CERKL: variants seen among roughly 807,000 people sequenced by gnomAD.
The protein encoded by CERKL is ceramide kinase-like protein.
CERKL carries 61 observed loss-of-function variants against 63.4 expected under a neutral mutation model. That is an observed-to-expected ratio of 0.96 (90% CI 0.78 to 1.19). The LOEUF (loss-of-function observed/expected upper bound fraction) is 1.19. CERKL is among the 50% of genes most tolerant of loss of function. The pLI is 0.00. For missense variants in CERKL, 675 were observed against 655.5 expected (o/e 1.03, Z -0.33); for synonymous variants, 250 against 230.5 (o/e 1.08, Z -0.77).
At chr2:181,581,659 G>A (rs918385342) in intron 2 of CERKL, among the ~76,000 whole-genome samples, 6 of 152,186 alleles carry the variant, frequency 3.9e-5, no homozygotes, top group Non-Finnish European at 7.4e-5. Flanking sequence ...AGCATTCATC[G>A]CAGCAGTGAC....
chr2:181,538,369 T>C lies in CERKL; in HGVS notation c.1539-125A>G, dbSNP rs895116083. ...ACAAACACAGCATTCCCAACAGAGC[T>C]GTAATCTAGAAAACTGAGAAGGTCT... On this transcript the variant is annotated intron_variant, in intron 12 of 12. Coordinates refer to ENST00000410087, the MANE Select transcript of CERKL (RefSeq NM_201548.5). The C allele has an allele frequency of 8.6e-5, 54 of 630,300 alleles. 1 individual carries two copies. The South Asian group carries it at 9.9e-4, about 12-fold the overall frequency. 39.0% of individuals were successfully genotyped at this position (630,300 alleles called of 1,614,324 possible).
At chr2:181,595,673 A>T (rs1357365897) in intron 2 of CERKL, among the ~76,000 whole-genome samples, 1 of 152,202 alleles carries the variant, frequency 6.6e-6, no homozygotes, top group Non-Finnish European at 1.5e-5. Context: ...TAACCTTGTT[A>T]ACTGATTTTT....
chr2:181,599,398 G>C (rs1027853322), intron 2 of CERKL, among the ~76,000 whole-genome samples: 1 of 151,714 alleles, frequency 6.6e-6, no homozygotes, highest in African/African-American at 2.4e-5. Flanking sequence ...TTAGTCGGGG[G>C]TGGTGGCACT....
intron 11 of CERKL, among the ~76,000 whole-genome samples, chr2:181,541,018 A>G (rs1179517995): frequency 6.6e-6 from 1 of 152,228 alleles, no homozygotes; most frequent in Non-Finnish European, 1.5e-5. Flanking sequence ...CACAGAATTC[A>G]GTGTGACTCC....
Position 181,539,149 on chromosome 2 carries a change from C to T in CERKL, c.1481G>A (p.Cys494Tyr). 6.2e-7 allele frequency: 1 copy of T among 1,609,978 alleles called. No individual in the cohort carries two copies. The highest frequency in any genetic ancestry group is 1.1e-5 in the South Asian group (1 of 90,980). ...GTCACCATCTACATTCCAAGGGAAA[C>T]AATTTTCTGAAGCAGTTTCATCCTC... The part of the protein sequence containing the change: ...EEEDETASEN[C>Y]FPWNVDGDLM... Residue 494 changes from cysteine to tyrosine, a missense_variant, in exon 12 of 13, where the codon TGT becomes TAT. Coordinates refer to ENST00000410087, the MANE Select transcript of CERKL (RefSeq NM_201548.5).
At chr2:181,575,949 A>G (rs1004378779) in intron 2 of CERKL, among the ~76,000 whole-genome samples, 2 of 152,200 alleles carry the variant, frequency 1.3e-5, no homozygotes, top group Admixed American at 1.3e-4. Flanking sequence ...AGTTTGTCTC[A>G]GAGTAAGGCT....
chr2:181,628,114 T>C (rs1191961132), intron 1 of CERKL, among the ~76,000 whole-genome samples: 4 of 152,126 alleles, frequency 2.6e-5, no homozygotes, highest in South Asian at 4.1e-4. Flanking sequence ...AAAAATTAGA[T>C]GACCTTGGTA....
intron 2 of CERKL, among the ~76,000 whole-genome samples, chr2:181,599,514 G>A (rs1468366710): frequency 6.8e-6 from 1 of 147,722 alleles, no homozygotes; most frequent in East Asian, 2.1e-4. Flanking sequence ...TCCAGCCTAG[G>A]CAACAGAGTG....
chr2:181,553,120 A>C (rs533380826), intron 5 of CERKL, among the ~76,000 whole-genome samples: 1 of 152,298 alleles, frequency 6.6e-6, no homozygotes, highest in South Asian at 2.1e-4. Flanking sequence ...CTGTTTTAGC[A>C]AGTTCACAAG....
chr2:181,547,577 A>G (rs1376398467), intron 10 of CERKL, 41 bp downstream of exon 10: 1 of 1,550,740 alleles, frequency 6.4e-7, no homozygotes, highest in Non-Finnish European at 8.9e-7. Flanking sequence ...AAAATGGTCT[A>G]TAAGAAATGT....
At chr2:181,573,713 T>G (rs1322084644) in intron 3 of CERKL, 40 bp downstream of exon 3, 1 of 1,588,684 alleles carries the variant, frequency 6.3e-7, no homozygotes, top group African/African-American at 1.3e-5. Context: ...CTTTTGTATG[T>G]TTTTGTAGAT....
chr2:181,563,517 A>T (rs1688531246), intron 4 of CERKL, among the ~76,000 whole-genome samples: 1 of 151,574 alleles, frequency 6.6e-6, no homozygotes, highest in African/African-American at 2.4e-5. Flanking sequence ...TAGTTCCACT[A>T]GTGTCAGACG....
At chr2:181,575,420 G>A (rs763391559) in intron 2 of CERKL, among the ~76,000 whole-genome samples, 9 of 152,220 alleles carry the variant, frequency 5.9e-5, no homozygotes, top group Non-Finnish European at 1.3e-4. Flanking sequence ...GATATGATTC[G>A]TGCTTTAAAG....
In CERKL at chr2:181,594,720, A is replaced by G. The variant is rs549583278; in HGVS notation, c.481+9117T>C. ...TGTATTTTTTTCAAAAAATATAGTA[A>G]AAAACGGTGCTTTTGCTTTAAAGAT... On this transcript the variant is annotated intron_variant, in intron 2 of 12. Coordinates refer to ENST00000410087, the MANE Select transcript of CERKL (RefSeq NM_201548.5). 4.6e-5 allele frequency among the ~76,000 whole-genome samples: 7 copies of G among 152,328 alleles called. No individual in the cohort carries two copies. The South Asian group carries it at 1.5e-3, about 32-fold the overall frequency.
At chr2:181,585,965 G>A (rs2105867812) in intron 2 of CERKL, among the ~76,000 whole-genome samples, 1 of 152,188 alleles carries the variant, frequency 6.6e-6, no homozygotes, top group South Asian at 2.1e-4. Flanking sequence ...CATCTCACAA[G>A]AGAAAGGAAA....
At chr2:181,545,214 T>A (rs1055179513) in intron 10 of CERKL, among the ~76,000 whole-genome samples, 4 of 152,200 alleles carry the variant, frequency 2.6e-5, no homozygotes, top group African/African-American at 9.6e-5. Flanking sequence ...AAATCTAAAG[T>A]GTGATTTAAA....
chr2:181,595,492 G>A (rs1685168476), intron 2 of CERKL, among the ~76,000 whole-genome samples: 1 of 152,118 alleles, frequency 6.6e-6, no homozygotes, highest in Non-Finnish European at 1.5e-5. Context: ...TGTTTTTACA[G>A]TAGAGTCTAA....
rs998410004 is a variant in CERKL, at chr2:181,537,375, C to T, written c.*809G>A. 20 of 453,804 alleles carry T rather than the reference C, an allele frequency of 4.4e-5. No homozygotes were observed. The Admixed American group carries it at 4.7e-4, about 11-fold the overall frequency. The allele number at this position is 453,804 out of a possible 1,614,324, so 28.1% of individuals were successfully genotyped here. On this transcript the variant is annotated 3_prime_UTR_variant, in exon 13 of 13. Coordinates refer to ENST00000410087, the MANE Select transcript of CERKL (RefSeq NM_201548.5). Reference sequence around the variant, plus strand: ...CTCAGATACAAGGGGAACACAATTACATATTGGGCTAGATTTTGCCCAGTT... The same window carrying T: ...CTCAGATACAAGGGGAACACAATTATATATTGGGCTAGATTTTGCCCAGTT...
At position 181,548,461 on chromosome 2, in the gene CERKL, A is replaced by T. The variant is rs190960432; in HGVS notation, c.1133+84T>A. ...TACTATGTTAGAAAAATAACCAAAG[A>T]TCCTAAGTCTGATCAATTGTTTGTC... is the stretch of plus-strand genomic sequence containing the variant. On this transcript the variant is annotated intron_variant, in intron 8 of 12. Coordinates refer to ENST00000410087, the MANE Select transcript of CERKL (RefSeq NM_201548.5). 23 of 1,032,980 alleles carry T rather than the reference A, an allele frequency of 2.2e-5. No homozygotes were observed. The Admixed American group carries it at 4.3e-4, about 19-fold the overall frequency. The allele number at this position is 1,032,980 out of a possible 1,614,324, so 64.0% of individuals were successfully genotyped here.
Sources: allele counts gnomAD v4.1 joint callset (sites outside exome capture counted in the v4.1 genomes callset), GRCh38; gene constraint gnomAD v4.1.1; transcripts MANE v1.5; gene names NCBI Gene and HGNC (gene_info 2026-07-23, HGNC 2026-07-21).